SUGT1: variants seen among roughly 807,000 people sequenced by gnomAD.
SUGT1 encodes the protein SGT1 assembly cochaperone of MIS12 kinetochore complex.
In SUGT1, 15 loss-of-function variants were observed where a neutral mutation model predicts 56.1. That is an observed-to-expected ratio of 0.27 (90% CI 0.18 to 0.41). SUGT1 has a LOEUF of 0.41. Ranked by LOEUF, SUGT1 falls within the 10% of genes least tolerant of loss-of-function variation. The pLI is 1.00. For missense variants in SUGT1, 347 were observed against 382.2 expected, an observed-to-expected ratio of 0.91 and a Z score of 0.77; for synonymous variants, 123 against 128.6, an observed-to-expected ratio of 0.96 and a Z score of 0.30.
chr13:52,683,538 GAAT>G (rs556098279), intron 12 of SUGT1, among the ~76,000 whole-genome samples: 190 of 152,242 alleles, frequency 1.2e-3, no homozygotes, highest in Non-Finnish European at 1.8e-3. Context: ...TATTCATGAG[GAAT>G]ATGAGTCTAA....
intron 12 of SUGT1, among the ~76,000 whole-genome samples, chr13:52,681,437 A>G (rs945721263): frequency 1.3e-5 from 2 of 151,662 alleles, no homozygotes; most frequent in African/African-American, 2.4e-5. Context: ...AAAAGTCTTC[A>G]TTAAACTTTT....
intron 5 of SUGT1, chr13:52,661,482 G>C: frequency 3.1e-6 from 1 of 320,514 alleles, no homozygotes; most frequent in South Asian, 2.3e-5. Context: ...TAGTAGAGAC[G>C]GGGTTTCATC....
At position 52,657,521 on chromosome 13, in the gene SUGT1, TG is replaced by T. The variant is rs1185245597; in HGVS notation, c.97-10del. On this transcript the variant is annotated splice_polypyrimidine_tract_variant and intron_variant, in intron 2 of 12. Coordinates refer to ENST00000310528, the MANE Select transcript of SUGT1 (RefSeq NM_006704.5). ...AACTTTTACTGACGCTCCACATGTTTGTTTTTGTAGGAGCTGACTAAGGCTT... is the reference window on the plus strand; with the variant it reads ...AACTTTTACTGACGCTCCACATGTTTTTTTTGTAGGAGCTGACTAAGGCTT... 2.5e-6 allele frequency: 4 copies of T among 1,611,544 alleles called. No individual in the cohort carries two copies. Among genetic ancestry groups the T allele is most frequent in the Non-Finnish European group, 2.5e-6 (3 of 1,178,742 alleles).
chr13:52,668,029 T>C (rs994525821), intron 10 of SUGT1, among the ~76,000 whole-genome samples: 7 of 151,604 alleles, frequency 4.6e-5, no homozygotes, highest in African/African-American at 1.7e-4. Flanking sequence ...CAGGGTGGAG[T>C]GCAGTGCTGT....
At position 52,692,762 on chromosome 13, in the gene SUGT1, T is replaced by C. The variant is rs892151153; in HGVS notation, c.*4927T>C. 6.6e-6 allele frequency: 1 copy of C among 152,250 alleles called. No individual in the cohort carries two copies. The highest frequency in any genetic ancestry group is 1.5e-5 in the Non-Finnish European group (1 of 68,048). 9.4% of individuals were successfully genotyped at this position (152,250 alleles called of 1,614,324 possible). ...AAGATAAATTCCTAGAGATCCTCAC[T>C]TTCTTAAGTAGGAAAGCTTATTAGG... On this transcript the variant is annotated 3_prime_UTR_variant, in exon 13 of 13. Transcript: ENST00000310528.
At chr13:52,681,219 T>G (rs6561679) in intron 12 of SUGT1, among the ~76,000 whole-genome samples, 2 of 148,368 alleles carry the variant, frequency 1.3e-5, no homozygotes, top group Admixed American at 6.7e-5. Flanking sequence ...ATCTTGAGAT[T>G]AGCCTGGGCA....
At chr13:52,678,795 A>C (rs1338726291) in intron 11 of SUGT1, among the ~76,000 whole-genome samples, 2 of 147,730 alleles carry the variant, frequency 1.4e-5, no homozygotes, top group African/African-American at 2.5e-5. Flanking sequence ...CCTCTACCCC[A>C]ACCTTCCGAG....
chr13:52,682,576 T>C (rs1180152144), intron 12 of SUGT1, among the ~76,000 whole-genome samples: 5 of 152,218 alleles, frequency 3.3e-5, no homozygotes, highest in Admixed American at 6.5e-5. Flanking sequence ...GGTTCCTTTT[T>C]GTGGGGTGGA....
chr13:52,660,929 C>T (rs970227616), intron 5 of SUGT1, among the ~76,000 whole-genome samples: 3 of 152,302 alleles, frequency 2.0e-5, no homozygotes, highest in Non-Finnish European at 4.4e-5. Context: ...ACCTCAGCCT[C>T]CTGAGTAACT....
At chr13:52,680,583 C>A (rs1963333357) in intron 12 of SUGT1, among the ~76,000 whole-genome samples, 1 of 152,142 alleles carries the variant, frequency 6.6e-6, no homozygotes, top group African/African-American at 2.4e-5. Flanking sequence ...TAAGAAAATT[C>A]AGGCTTTTTG....
chr13:52,653,451 C>T (rs755407832), intron 2 of SUGT1, among the ~76,000 whole-genome samples: 1 of 151,980 alleles, frequency 6.6e-6, no homozygotes, highest in Non-Finnish European at 1.5e-5. Context: ...TTAATTTTTT[C>T]GTTTGACAAT....
intron 11 of SUGT1, among the ~76,000 whole-genome samples, chr13:52,678,386 T>C (rs1424946194): frequency 6.6e-6 from 1 of 152,014 alleles, no homozygotes; most frequent in Admixed American, 6.6e-5. Context: ...AGAAAAACAG[T>C]GGATGTTAGT....
chr13:52,686,453 TG>T (rs1294896951), intron 12 of SUGT1, among the ~76,000 whole-genome samples: 1 of 152,068 alleles, frequency 6.6e-6, no homozygotes, highest in African/African-American at 2.4e-5. Flanking sequence ...GTTATGTAAA[TG>T]GTAATTAGGC....
chr13:52,675,092 G>T (rs965411350), intron 10 of SUGT1, among the ~76,000 whole-genome samples: 12 of 152,052 alleles, frequency 7.9e-5, no homozygotes, highest in African/African-American at 2.9e-4. Context: ...CTATGCTCTG[G>T]AGACCTACCC....
chr13:52,678,352 G>A (rs1963232382), intron 11 of SUGT1, among the ~76,000 whole-genome samples: 1 of 152,072 alleles, frequency 6.6e-6, no homozygotes. Flanking sequence ...GGAGAAAGTC[G>A]GTTTACAAGT....
chr13:52,669,080 A>G (rs1361152365), intron 10 of SUGT1, among the ~76,000 whole-genome samples: 1 of 152,110 alleles, frequency 6.6e-6, no homozygotes. Context: ...CCATACTACT[A>G]TGTTCTCAGT....
chr13:52,675,127 C>A (rs1269839942), intron 10 of SUGT1, among the ~76,000 whole-genome samples: 1 of 152,138 alleles, frequency 6.6e-6, no homozygotes, highest in Non-Finnish European at 1.5e-5. Flanking sequence ...ATGCTTCTAC[C>A]CTTCAGAGCC....
In SUGT1 at chr13:52,689,922, T is replaced by G. The variant is rs936205755; in HGVS notation, c.*2087T>G. The G allele has an allele frequency of 6.6e-6, 1 of 150,424 alleles. No individual in the cohort carries two copies. The highest frequency in any genetic ancestry group is 1.5e-5 in the Non-Finnish European group (1 of 67,882). 9.3% of individuals were successfully genotyped at this position (150,424 alleles called of 1,614,324 possible). On this transcript the variant is annotated 3_prime_UTR_variant, in exon 13 of 13. Coordinates refer to ENST00000310528, the MANE Select transcript of SUGT1 (RefSeq NM_006704.5). ...AGGCAGGGGGTGCAGTGAGCCAAGA[T>G]CATGCCACTGCACTCCAGCCTGGGC... is the stretch of plus-strand genomic sequence containing the variant.
In SUGT1 at chr13:52,699,798, C is replaced by G. The variant is rs926376377; in HGVS notation, c.*11963C>G. The stretch of plus-strand genomic sequence containing the variant: ...TAGCAATTCATACCTTAGAAGGAAC[C>G]CTGAAGGACAGGACGCCATAGAAAT... On this transcript the variant is annotated 3_prime_UTR_variant, in exon 13 of 13. Transcript: ENST00000310528. 5 of 151,954 alleles carry G rather than the reference C, an allele frequency of 3.3e-5. No homozygotes were observed. Among genetic ancestry groups the G allele is most frequent in the African/African-American group, 9.7e-5 (4 of 41,376 alleles). 9.4% of individuals were successfully genotyped at this position (151,954 alleles called of 1,614,324 possible). A position where few individuals can be genotyped will look rare whatever the true frequency, so the allele number is the denominator to read the frequency against.
Sources: allele counts gnomAD v4.1 joint callset (sites outside exome capture counted in the v4.1 genomes callset), GRCh38; gene constraint gnomAD v4.1.1; transcripts MANE v1.5; gene names NCBI Gene and HGNC (gene_info 2026-07-23, HGNC 2026-07-21).